The following ODF2 variants were observed in gnomAD, a reference collection of about 807,000 sequenced individuals.
ODF2 encodes outer dense fiber of sperm tails 2, also known as outer dense fiber protein 2.
Under a neutral mutation model 110.2 loss-of-function variants are expected in ODF2, and 47 were observed. The observed-to-expected ratio is 0.43, with a 90% CI of 0.34 to 0.54. The LOEUF is 0.54. Among genes scored for constraint, ODF2 ranks in the 20% least tolerant of loss-of-function variants. The pLI is 0.03. For missense variants in ODF2, 812 were observed against 1,054.5 expected (o/e 0.77, Z 3.19); for synonymous variants, 352 against 397.7 (o/e 0.89, Z 1.37).
intron 11 of ODF2, 119 bp downstream of exon 11, chr9:128,484,173 G>A: frequency 1.4e-6 from 1 of 736,280 alleles, no homozygotes; most frequent in Non-Finnish European, 2.3e-6. Context: ...TGAGGCAGCT[G>A]ATGACAAAAT....
intron 11 of ODF2, 79 bp downstream of exon 11, chr9:128,484,133 A>G (rs1355154854): frequency 9.8e-7 from 1 of 1,020,980 alleles, no homozygotes; most frequent in Non-Finnish European, 1.5e-6. Flanking sequence ...CCCAGATATC[A>G]CACTCAGGAA....
chr9:128,474,276 C>T (rs989436750), intron 8 of ODF2, among the ~76,000 whole-genome samples: 1 of 151,686 alleles, frequency 6.6e-6, no homozygotes, highest in African/African-American at 2.4e-5. Flanking sequence ...GGGTGGATCA[C>T]GAGGTCAGAA....
At chr9:128,474,554 A>C (rs892280691) in intron 8 of ODF2, among the ~76,000 whole-genome samples, 1 of 150,998 alleles carries the variant, frequency 6.6e-6, no homozygotes, top group Non-Finnish European at 1.5e-5. Context: ...TCAGCTCCTC[A>C]GGAGGCTGAG....
chr9:128,484,029 A>C (rs376111568), exon 11 of ODF2: 58 of 1,611,924 alleles, frequency 3.6e-5, no homozygotes, highest in Non-Finnish European at 4.8e-5. Flanking sequence ...GAGGCTGAGA[A>C]CAGTCGCCTG....
At chr9:128,475,984 G>C (rs1841182380) in intron 8 of ODF2, among the ~76,000 whole-genome samples, 1 of 151,994 alleles carries the variant, frequency 6.6e-6, no homozygotes, top group Non-Finnish European at 1.5e-5. Flanking sequence ...ATGAAGTCAT[G>C]TGGTCTTTCT....
intron 13 of ODF2, among the ~76,000 whole-genome samples, chr9:128,486,306 C>A (rs1490818897): frequency 2.0e-5 from 3 of 152,228 alleles, no homozygotes; most frequent in African/African-American, 7.2e-5. Flanking sequence ...ATGCCAGCTG[C>A]TGTCCTTAGG....
chr9:128,499,599 G>A (rs1475086974), intron 20 of ODF2, among the ~76,000 whole-genome samples: 1 of 142,098 alleles, frequency 7.0e-6, no homozygotes, highest in Non-Finnish European at 1.6e-5. Flanking sequence ...CCAGACTCAC[G>A]TTTTGTTTTG....
intron 8 of ODF2, among the ~76,000 whole-genome samples, chr9:128,475,431 A>G (rs1471860071): frequency 6.6e-6 from 1 of 152,228 alleles, no homozygotes; most frequent in Non-Finnish European, 1.5e-5. Context: ...CAAGTTAATC[A>G]ACATATGCAT....
At chr9:128,498,262 A>C in intron 18 of ODF2, 151 bp from the exon 19 acceptor site, 1 of 1,224,266 alleles carries the variant, frequency 8.2e-7, no homozygotes, top group Non-Finnish European at 1.1e-6. Flanking sequence ...CGCCTTGCTG[A>C]TCTGCAGATT....
chr9:128,456,020 A>T, upstream of ODF2: 1 of 1,429,638 alleles, frequency 7.0e-7, no homozygotes, highest in South Asian at 1.5e-5. Flanking sequence ...GGGGCGGGGC[A>T]TCTCTGTGAC....
At chr9:128,492,994 T>C (rs1844893688) in intron 16 of ODF2, among the ~76,000 whole-genome samples, 189 bp downstream of exon 16, 1 of 151,856 alleles carries the variant, frequency 6.6e-6, no homozygotes. Flanking sequence ...TCTTGTTTCC[T>C]CTCTTCTCTC....
intron 8 of ODF2, among the ~76,000 whole-genome samples, chr9:128,474,009 C>A (rs547373133): frequency 6.6e-6 from 1 of 152,044 alleles, no homozygotes; most frequent in Non-Finnish European, 1.5e-5. Flanking sequence ...CAGCCCAGGG[C>A]ATAGAAAAGA....
At chr9:128,500,485 T>G, downstream of ODF2, 1 of 517,046 alleles carries the variant, frequency 1.9e-6, no homozygotes, top group South Asian at 3.0e-5. Flanking sequence ...TAAAATTTCC[T>G]CGACAGGCCT....
At chr9:128,488,492 A>G (rs774463581) in intron 14 of ODF2, among the ~76,000 whole-genome samples, 5 of 152,228 alleles carry the variant, frequency 3.3e-5, no homozygotes, top group Non-Finnish European at 5.9e-5. Context: ...ACCTGAGTGA[A>G]AAACATTCCA....
intron 3 of ODF2, chr9:128,460,551 A>G (rs1588700458): frequency 6.2e-7 from 1 of 1,613,776 alleles, no homozygotes; most frequent in Non-Finnish European, 8.5e-7. Flanking sequence ...ACCTGCCAGA[A>G]GCCAACCATG....
chr9:128,500,412 CAGA>C, exon 21 of ODF2: 1 of 657,976 alleles, frequency 1.5e-6, no homozygotes, highest in Non-Finnish European at 2.6e-6. Flanking sequence ...CCAAAAGCAG[CAGA>C]AGGTGAAGCA....
At chr9:128,467,984 C>A (rs983187394) in intron 4 of ODF2, among the ~76,000 whole-genome samples, 1 of 151,876 alleles carries the variant, frequency 6.6e-6, no homozygotes. Flanking sequence ...CATGAGCCAC[C>A]GCTCCTGGCC....
chr9:128,473,294 T>C (rs770614228), intron 7 of ODF2: 18 of 974,388 alleles, frequency 1.8e-5, no homozygotes, highest in Non-Finnish European at 2.2e-5. Flanking sequence ...AGTCAAGGCA[T>C]GTGGTTGATT....
At chr9:128,466,804 C>T (rs756765680) in intron 4 of ODF2, among the ~76,000 whole-genome samples, 7 of 147,996 alleles carry the variant, frequency 4.7e-5, no homozygotes, top group Admixed American at 2.7e-4. Flanking sequence ...AGTGAAACTC[C>T]GTCTCTACTA....
Sources: allele counts gnomAD v4.1 joint callset (sites outside exome capture counted in the v4.1 genomes callset), GRCh38; gene constraint gnomAD v4.1.1; transcripts MANE v1.5; gene names NCBI Gene and HGNC (gene_info 2026-07-23, HGNC 2026-07-21).